The following CDH13 variants were observed in gnomAD, a reference collection of about 807,000 sequenced individuals.
CDH13 encodes cadherin 13, also known as cadherin-13.
Under a neutral mutation model 63.8 loss-of-function variants are expected in CDH13, and 24 were observed. The ratio of observed to expected loss-of-function variants is 0.38; its 90% CI spans 0.27 to 0.53. The LOEUF (loss-of-function observed/expected upper bound fraction) is 0.53, where lower values mean the gene tolerates loss of function less well. Among genes scored for constraint, CDH13 ranks in the 20% least tolerant of loss-of-function variants. The pLI is 0.85. For synonymous variants in CDH13, 503 were observed against 355.3 expected, an observed-to-expected ratio of 1.42 and a Z score of -4.67; for missense variants, 1,049 against 903.1, an observed-to-expected ratio of 1.16 and a Z score of -2.07.
At chr16:83,368,882 TGTTATATATATATATATA>T (rs1444482961) in intron 6 of CDH13, among the ~76,000 whole-genome samples, 7 of 26,956 alleles carry the variant, frequency 2.6e-4, no homozygotes, top group African/African-American at 9.1e-4. Context: ...TAGTATTCCA[TGTTATATATATATATATA>T]TATATATATA....
chr16:83,726,038 G>T (rs920532439), intron 10 of CDH13: 6 of 152,148 alleles, frequency 3.9e-5, no homozygotes, highest in Non-Finnish European at 7.4e-5. Context: ...GCTTTTTAAT[G>T]ATTGTCTTTT....
At chr16:83,232,767 C>T (rs1025206136) in intron 5 of CDH13, among the ~76,000 whole-genome samples, 5 of 134,414 alleles carry the variant, frequency 3.7e-5, no homozygotes, top group East Asian at 1.9e-4. Flanking sequence ...GACCCACTCT[C>T]GGGTATTTTT....
intron 7 of CDH13, among the ~76,000 whole-genome samples, chr16:83,530,073 G>C (rs769720978): frequency 2.6e-5 from 4 of 152,116 alleles, no homozygotes; most frequent in Non-Finnish European, 5.9e-5. Context: ...GAAGATTATT[G>C]TCTGTCTTCC....
chr16:82,929,840 G>C (rs2042428753), intron 2 of CDH13, among the ~76,000 whole-genome samples: 1 of 151,412 alleles, frequency 6.6e-6, no homozygotes, highest in African/African-American at 2.4e-5. Context: ...ATCCCGAAGA[G>C]ACCAAGAAAC....
rs979013246 is a variant in CDH13 at position 83,797,552 on chromosome 16, C to T, written c.*2522C>T. 1 of 152,206 alleles carries T rather than the reference C, an allele frequency of 6.6e-6. No individual in the cohort carries two copies. Among genetic ancestry groups the T allele is most frequent in the Non-Finnish European group, 1.5e-5 (1 of 68,038 alleles). The allele number at this position is 152,206 out of a possible 1,614,324, so 9.4% of individuals were successfully genotyped here. A position where few individuals can be genotyped will look rare whatever the true frequency, so the allele number is the denominator to read the frequency against. On this transcript the variant is annotated 3_prime_UTR_variant, in exon 14 of 14. Transcript: ENST00000567109. ...AGAAAAAAAGGAAAATAAACCAATT[C>T]TTATAGGCCAAAGTGGTAGCATTTC... is the stretch of plus-strand genomic sequence containing the variant.
chr16:83,160,213 G>C (rs145594237), intron 4 of CDH13, among the ~76,000 whole-genome samples: 2 of 152,208 alleles, frequency 1.3e-5, no homozygotes, highest in African/African-American at 2.4e-5. Flanking sequence ...TGTCAATGTA[G>C]GTTCAATGAC....
chr16:82,849,636 G>A (rs933654541), intron 1 of CDH13, among the ~76,000 whole-genome samples: 3 of 152,206 alleles, frequency 2.0e-5, no homozygotes, highest in African/African-American at 7.2e-5. Context: ...TTTCTACATG[G>A]TTAAAACATT....
intron 7 of CDH13, among the ~76,000 whole-genome samples, chr16:83,513,770 G>A (rs1197790411): frequency 6.6e-6 from 1 of 152,198 alleles, no homozygotes; most frequent in Non-Finnish European, 1.5e-5. Flanking sequence ...TACAATTCAA[G>A]ATGAGATTTG....
At chr16:83,297,452 A>G (rs1351368206) in intron 5 of CDH13, among the ~76,000 whole-genome samples, 3 of 152,218 alleles carry the variant, frequency 2.0e-5, no homozygotes, top group African/African-American at 7.2e-5. Flanking sequence ...TAAGGGCAGA[A>G]AGACTGAGTG....
chr16:82,890,650 CTTT>C (rs34036747), intron 2 of CDH13, among the ~76,000 whole-genome samples: 1 of 139,256 alleles, frequency 7.2e-6, no homozygotes. Flanking sequence ...GAGAGACATT[CTTT>C]TTTTTTTTTT....
At chr16:83,050,066 C>T (rs1567781733) in intron 3 of CDH13, among the ~76,000 whole-genome samples, 1 of 152,108 alleles carries the variant, frequency 6.6e-6, no homozygotes, top group South Asian at 2.1e-4. Flanking sequence ...GGGTGGCTCT[C>T]TTATCTGGAT....
intron 1 of CDH13, among the ~76,000 whole-genome samples, chr16:82,807,915 C>A (rs967427012): frequency 6.6e-6 from 1 of 152,164 alleles, no homozygotes; most frequent in African/African-American, 2.4e-5. Flanking sequence ...TCAAACTGTT[C>A]TTTTCCTTAA....
intron 2 of CDH13, among the ~76,000 whole-genome samples, chr16:82,956,581 C>T (rs1162623348): frequency 6.6e-6 from 1 of 152,146 alleles, no homozygotes; most frequent in Non-Finnish European, 1.5e-5. Context: ...ATCATTACCC[C>T]CGAGTTTAAG....
chr16:83,407,262 A>G (rs71402070), intron 6 of CDH13, among the ~76,000 whole-genome samples: 9,030 of 152,334 alleles, frequency 0.059, 255 homozygotes, highest in African/African-American at 0.066. Flanking sequence ...TTTTGCCTCC[A>G]GAGGCATAAT....
intron 5 of CDH13, among the ~76,000 whole-genome samples, chr16:83,261,569 G>A (rs369676327): frequency 5.3e-4 from 81 of 152,220 alleles, no homozygotes; most frequent in African/African-American, 1.8e-3. Context: ...CACAGTCAGG[G>A]ATGTGGCTCA....
intron 1 of CDH13, among the ~76,000 whole-genome samples, chr16:82,827,871 C>G (rs535166026): frequency 1.3e-5 from 2 of 152,094 alleles, no homozygotes; most frequent in African/African-American, 4.8e-5. Flanking sequence ...CCAGAAGTGC[C>G]TGGTCATTCA....
intron 8 of CDH13, among the ~76,000 whole-genome samples, chr16:83,626,136 G>C (rs865984747): frequency 9.9e-5 from 15 of 151,734 alleles, no homozygotes; most frequent in South Asian, 2.1e-4. Context: ...TCAGCCTCCT[G>C]CGTAGCTGGG....
intron 10 of CDH13, chr16:83,725,546 G>A (rs1910288556): frequency 6.6e-6 from 1 of 152,420 alleles, no homozygotes; most frequent in Non-Finnish European, 1.5e-5. Flanking sequence ...GGTCTGGCTG[G>A]TGATTTGGTT....
intron 1 of CDH13, among the ~76,000 whole-genome samples, chr16:82,696,086 G>T (rs1353467635): frequency 6.6e-6 from 1 of 152,088 alleles, no homozygotes; most frequent in Non-Finnish European, 1.5e-5. Flanking sequence ...GCTTGACCAG[G>T]GAAAGCCCCT....
Sources: gnomAD v4.1 joint callset for allele counts (sites outside exome capture counted in the v4.1 genomes callset) on GRCh38, gnomAD v4.1.1 for gene constraint, MANE v1.5 for transcripts, NCBI Gene and HGNC (gene_info 2026-07-23, HGNC 2026-07-21) for gene names.